ATP2C2: variants seen among roughly 807,000 people sequenced by gnomAD.
The protein encoded by ATP2C2 is calcium-transporting ATPase type 2C member 2.
Under a neutral mutation model 110.8 loss-of-function variants are expected in ATP2C2, and 171 were observed. That is an observed-to-expected ratio of 1.54 (90% CI 1.36 to 1.75). The LOEUF is 1.75. ATP2C2 is among the 40% of genes most tolerant of loss of function. ATP2C2 has a pLI of 0.00. For missense variants in ATP2C2, 1,963 were observed against 1,235.0 expected (o/e 1.59, Z -8.84); for synonymous variants, 804 against 508.4 (o/e 1.58, Z -7.82).
At chr16:84,417,000 CAGAG>C (rs1386399646) in intron 7 of ATP2C2, among the ~76,000 whole-genome samples, 2 of 152,194 alleles carry the variant, frequency 1.3e-5, no homozygotes, top group African/African-American at 4.8e-5. Context: ...GGTGCAGAGG[CAGAG>C]AGAGGCCGTA....
At position 84,459,172 on chromosome 16, in the gene ATP2C2, C is replaced by T. The variant is rs377760863; in HGVS notation, c.2200C>T (p.Arg734Ter). 2.9e-5 allele frequency: 46 copies of T among 1,614,026 alleles called. No individual in the cohort carries two copies. The highest frequency in any genetic ancestry group is 6.7e-5 in the Admixed American group (4 of 59,998). ...TTTTTACAACATCAAAAACTTTGTCCGATTCCAGCTGAGCACGTAAGTAGA... is the reference window on the plus strand; with the variant it reads ...TTTTTACAACATCAAAAACTTTGTCTGATTCCAGCTGAGCACGTAAGTAGA... Reference protein sequence around the residue: ...GIFYNIKNFVRFQLSTSISAL... With the variant: ...GIFYNIKNFV The change falls in exon 22 of 27, where the codon CGA becomes TGA. Residue 734 changes from arginine to a stop codon, truncating the protein, a stop_gained. Transcript: ENST00000262429. LOFTEE classifies it high-confidence loss of function.
chr16:84,443,903 G>A (rs1370984297), intron 15 of ATP2C2, among the ~76,000 whole-genome samples: 1 of 152,202 alleles, frequency 6.6e-6, no homozygotes, highest in Non-Finnish European at 1.5e-5. Flanking sequence ...GCTGAGTGCA[G>A]TGGCTCAAAT....
intron 7 of ATP2C2, among the ~76,000 whole-genome samples, chr16:84,418,822 GA>G (rs1289660449): frequency 2.0e-4 from 30 of 152,296 alleles, no homozygotes; most frequent in Non-Finnish European, 4.0e-4. Context: ...TGTGGCAGAT[GA>G]CCGCTTACTT....
At position 84,451,941 on chromosome 16, in the gene ATP2C2, C is replaced by A. The variant is rs201848760; in HGVS notation, c.1681C>A (p.Pro561Thr). 1.9e-4 allele frequency: 308 copies of A among 1,614,038 alleles called. No homozygotes were observed. In the African/African-American group the frequency reaches 3.8e-3, roughly 20 times the overall value. ...GLRVLALASG[P>T]ELGRLTFLGL... The stretch of plus-strand genomic sequence containing the variant: ...CTCAGTGCTGGCCCTGGCTTCTGGG[C>A]CCGAGCTGGGGCGGCTGACGTTTCT... The change falls in exon 18 of 27, where the codon CCC becomes ACC. Residue 561 changes from proline to threonine, a missense_variant. By Grantham distance (38) the Pro-to-Thr change is conservative. Coordinates refer to ENST00000262429, the MANE Select transcript of ATP2C2 (RefSeq NM_014861.4).
chr16:84,384,404 C>T (rs566545653), intron 1 of ATP2C2, among the ~76,000 whole-genome samples: 17 of 152,266 alleles, frequency 1.1e-4, no homozygotes, highest in Admixed American at 3.9e-4. Flanking sequence ...TCAGGTTACG[C>T]GCTTCTGGAG....
intron 17 of ATP2C2, among the ~76,000 whole-genome samples, chr16:84,450,901 G>C (rs941358121): frequency 6.6e-6 from 1 of 152,102 alleles, no homozygotes; most frequent in South Asian, 2.1e-4. Context: ...GGCAAGAACT[G>C]TTAGAAACGT....
At chr16:84,389,909 G>C (rs1904550675) in intron 1 of ATP2C2, among the ~76,000 whole-genome samples, 1 of 152,034 alleles carries the variant, frequency 6.6e-6, no homozygotes, top group South Asian at 2.1e-4. Context: ...TTTTAGTAGA[G>C]ACAGGGTTTC....
chr16:84,427,096 A>C (rs1431623550), intron 11 of ATP2C2, among the ~76,000 whole-genome samples: 1 of 152,184 alleles, frequency 6.6e-6, no homozygotes, highest in African/African-American at 2.4e-5. Context: ...GTCTAGGCTC[A>C]TGTCAGGCCC....
At chr16:84,375,633 G>C (rs1910209114) in intron 1 of ATP2C2, among the ~76,000 whole-genome samples, 1 of 152,090 alleles carries the variant, frequency 6.6e-6, no homozygotes, top group Non-Finnish European at 1.5e-5. Flanking sequence ...TGGATTCCAC[G>C]ATTCTTTTGC....
Position 84,454,850 on chromosome 16 carries a change from G to C in ATP2C2, c.2013G>C (p.Met671Ile), listed in dbSNP as rs202146865. 1.9e-5 allele frequency: 31 copies of C among 1,612,848 alleles called. No individual in the cohort carries two copies. Among genetic ancestry groups the C allele is most frequent in the Non-Finnish European group, 2.5e-5 (30 of 1,179,402 alleles). Reference protein sequence around the residue: ...ALQESGAIVAMTGDGVNDAVA... With the variant: ...ALQESGAIVAITGDGVNDAVA... The stretch of plus-strand genomic sequence containing the variant: ...AGGAGTCAGGGGCGATCGTGGCCAT[G>C]ACTGGGGATGGGGTGAACGACGCAG... The change falls in exon 21 of 27, where the codon ATG becomes ATC. Residue 671 changes from methionine to isoleucine, a missense_variant. Met to Ile is a conservative substitution (Grantham distance 10). Coordinates refer to ENST00000262429, the MANE Select transcript of ATP2C2 (RefSeq NM_014861.4).
Position 84,442,491 on chromosome 16 carries a change from C to T in ATP2C2, c.1312-19C>T, listed in dbSNP as rs758698143. 6.2e-7 allele frequency: 1 copy of T among 1,613,294 alleles called. No homozygotes were observed. The highest frequency in any genetic ancestry group is 8.5e-7 in the Non-Finnish European group (1 of 1,179,380). The stretch of plus-strand genomic sequence containing the variant: ...TGAGCCCAGTACTAACTACAGATGT[C>T]CGGACAATCCCCTTTTAGGCGGGCT... On this transcript the variant is annotated intron_variant, in intron 14 of 26. Coordinates refer to ENST00000262429, the MANE Select transcript of ATP2C2 (RefSeq NM_014861.4).
chr16:84,433,883 C>T (rs1908509200), intron 11 of ATP2C2, among the ~76,000 whole-genome samples: 1 of 152,170 alleles, frequency 6.6e-6, no homozygotes, highest in Non-Finnish European at 1.5e-5. Flanking sequence ...GTTTCTTGTC[C>T]TAACCTCCCT....
intron 1 of ATP2C2, among the ~76,000 whole-genome samples, chr16:84,368,956 G>C (rs889237389): frequency 6.6e-6 from 1 of 152,234 alleles, no homozygotes; most frequent in Admixed American, 6.5e-5. Flanking sequence ...GCCGAGAGTG[G>C]TTAAGTATAT....
At position 84,415,599 on chromosome 16, in the gene ATP2C2, G is replaced by A; in HGVS notation, c.624+8G>A. 1 of 1,603,956 alleles carries A rather than the reference G, an allele frequency of 6.2e-7. No homozygotes were observed. The highest frequency in any genetic ancestry group is 1.1e-5 in the South Asian group (1 of 89,658). The stretch of plus-strand genomic sequence containing the variant: ...GACATCCGACTCACTGAGGTGAGTG[G>A]TTCCAAACCCTTGTCAATGGGGTAT... On this transcript the variant is annotated splice_region_variant and intron_variant, in intron 7 of 26. Transcript: ENST00000262429.
At chr16:84,376,161 AG>A (rs1175752031) in intron 1 of ATP2C2, among the ~76,000 whole-genome samples, 1 of 152,144 alleles carries the variant, frequency 6.6e-6, no homozygotes, top group Non-Finnish European at 1.5e-5. Flanking sequence ...CCCAACACAG[AG>A]ATAAGTAGTT....
chr16:84,452,187 A>C, intron 18 of ATP2C2, 96 bp downstream of exon 18: 2 of 1,476,508 alleles, frequency 1.4e-6, no homozygotes, highest in Non-Finnish European at 1.8e-6. Flanking sequence ...AAACTCGGTC[A>C]GGAGTGCTCA....
intron 6 of ATP2C2, among the ~76,000 whole-genome samples, chr16:84,411,516 G>A (rs1567704162): frequency 1.3e-5 from 2 of 151,988 alleles, no homozygotes; most frequent in Admixed American, 6.6e-5. Context: ...ATCTCAGTTC[G>A]CTGCAACCTC....
chr16:84,426,062 A>G (rs1212706122), intron 11 of ATP2C2: 2 of 457,594 alleles, frequency 4.4e-6, no homozygotes, highest in Non-Finnish European at 4.0e-6. Flanking sequence ...AAAAAAAAAA[A>G]AAATACCTGA....
chr16:84,421,495 G>A (rs1048030923), intron 7 of ATP2C2, among the ~76,000 whole-genome samples: 9 of 152,166 alleles, frequency 5.9e-5, no homozygotes, highest in Non-Finnish European at 8.8e-5. Flanking sequence ...GTGGTTTGTG[G>A]AAGATGGCTT....
Sources: allele counts gnomAD v4.1 joint callset (sites outside exome capture counted in the v4.1 genomes callset), GRCh38; gene constraint gnomAD v4.1.1; transcripts MANE v1.5; gene names NCBI Gene and HGNC (gene_info 2026-07-23, HGNC 2026-07-21).